The following SLC16A12 variants were observed in gnomAD, a reference collection of about 807,000 sequenced individuals.
SLC16A12 encodes monocarboxylate transporter 12.
SLC16A12 carries 17 observed loss-of-function variants against 42.4 expected under a neutral mutation model. The ratio of observed to expected loss-of-function variants is 0.40; its 90% CI spans 0.27 to 0.60. The LOEUF (loss-of-function observed/expected upper bound fraction) is 0.60. Among genes scored for constraint, SLC16A12 ranks in the 20% least tolerant of loss-of-function variants. The probability of loss-of-function intolerance (pLI) is 0.42; values close to 1 mark genes in which losing one functional copy is unlikely to be tolerated. For synonymous variants in SLC16A12, 224 were observed against 229.4 expected, an observed-to-expected ratio of 0.98 and a Z score of 0.21; for missense variants, 544 against 623.0, an observed-to-expected ratio of 0.87 and a Z score of 1.35.
At chr10:89,433,574 T>C (rs1009334854) in intron 7 of SLC16A12, among the ~76,000 whole-genome samples, 4 of 152,346 alleles carry the variant, frequency 2.6e-5, no homozygotes, top group Admixed American at 2.6e-4. Flanking sequence ...ATGTACTTAG[T>C]AGTCACAACG....
intron 5 of SLC16A12, among the ~76,000 whole-genome samples, chr10:89,440,486 G>A (rs940387744): frequency 1.3e-5 from 2 of 152,112 alleles, no homozygotes; most frequent in African/African-American, 2.4e-5. Flanking sequence ...AGGAGTTGGC[G>A]CTACTCTCCA....
At chr10:89,538,848 C>T (rs1270573476), upstream of SLC16A12, among the ~76,000 whole-genome samples, 1 of 152,122 alleles carries the variant, frequency 6.6e-6, no homozygotes, top group Admixed American at 6.6e-5. Flanking sequence ...TCTCCTAAGA[C>T]CATGTGTGTA....
intron 2 of SLC16A12, among the ~76,000 whole-genome samples, chr10:89,470,136 T>C (rs925008239): frequency 6.6e-6 from 1 of 152,154 alleles, no homozygotes; most frequent in Admixed American, 6.5e-5. Context: ...AGACATAAGC[T>C]CCATCCAGAA....
chr10:89,452,602 G>A (rs1842112147), intron 3 of SLC16A12, among the ~76,000 whole-genome samples: 1 of 152,092 alleles, frequency 6.6e-6, no homozygotes, highest in Admixed American at 6.6e-5. Context: ...TTTTCATTTT[G>A]CACTGGGCCC....
intron 1 of SLC16A12, among the ~76,000 whole-genome samples, chr10:89,535,238 C>G (rs1589734266): frequency 1.3e-5 from 2 of 152,120 alleles, no homozygotes; most frequent in African/African-American, 4.8e-5. Context: ...CAGCGCAGAC[C>G]CAACCCAGAC....
chr10:89,469,064 G>T (rs529472325), intron 2 of SLC16A12, among the ~76,000 whole-genome samples: 2 of 152,260 alleles, frequency 1.3e-5, no homozygotes, highest in South Asian at 4.1e-4. Flanking sequence ...AGAAGACAGA[G>T]GTTGCAGTGA....
intron 2 of SLC16A12, among the ~76,000 whole-genome samples, chr10:89,486,651 GA>G (rs1211755359): frequency 2.1e-5 from 1 of 47,916 alleles, no homozygotes; most frequent in Non-Finnish European, 4.2e-5. Context: ...AAGAAAGAAA[GA>G]AAGAAAGAAA....
intron 2 of SLC16A12, among the ~76,000 whole-genome samples, chr10:89,500,769 A>G (rs1483324126): frequency 6.6e-6 from 1 of 152,218 alleles, no homozygotes; most frequent in Non-Finnish European, 1.5e-5. Flanking sequence ...CCTCTTCAAC[A>G]TAGTACTGGA....
intron 2 of SLC16A12, among the ~76,000 whole-genome samples, chr10:89,498,276 G>A (rs964971061): frequency 2.0e-5 from 3 of 152,172 alleles, no homozygotes; most frequent in Non-Finnish European, 4.4e-5. Context: ...AGGCTGTGGT[G>A]AGCCCCGATC....
At chr10:89,444,273 A>G (rs974091978) in intron 3 of SLC16A12, among the ~76,000 whole-genome samples, 1 of 152,238 alleles carries the variant, frequency 6.6e-6, no homozygotes, top group African/African-American at 2.4e-5. Context: ...GGTGATATTG[A>G]TGATAGATAG....
intron 3 of SLC16A12, among the ~76,000 whole-genome samples, chr10:89,460,569 C>T (rs190038204): frequency 3.6e-4 from 55 of 151,776 alleles, no homozygotes; most frequent in African/African-American, 1.3e-3. Flanking sequence ...ACTAAAAATA[C>T]AAAAATTAGC....
intron 3 of SLC16A12, among the ~76,000 whole-genome samples, chr10:89,444,658 C>G (rs1027034913): frequency 6.6e-6 from 1 of 152,194 alleles, no homozygotes; most frequent in African/African-American, 2.4e-5. Flanking sequence ...CGAATAGGAA[C>G]AGCTCTGGTC....
At position 89,433,123 on chromosome 10, in the gene SLC16A12, A is replaced by G; in HGVS notation, c.1492T>C (p.Leu498=). 1 of 1,614,196 alleles carries G rather than the reference A, an allele frequency of 6.2e-7. No homozygotes were observed. Among genetic ancestry groups the G allele is most frequent in the Non-Finnish European group, 8.5e-7 (1 of 1,180,040 alleles). Residue 498 remains leucine (L), a synonymous_variant, in exon 8 of 8, where the codon TTA becomes CTA. Transcript: ENST00000371790. Reference sequence around the variant, plus strand: ...ACAGGCTCCCCATGTTTCTGATCTAATTCTCTTGCCACAGAATAAGCCACT... The same window carrying G: ...ACAGGCTCCCCATGTTTCTGATCTAGTTCTCTTGCCACAGAATAAGCCACT... ...GSVAYSVARE[L]DQKHGEPVAT...
chr10:89,542,354 G>A (rs1843720607), intron 2 of SLC16A12, among the ~76,000 whole-genome samples: 2 of 147,418 alleles, frequency 1.4e-5, no homozygotes, highest in African/African-American at 5.1e-5. Context: ...ACAGGCTGGA[G>A]TGCAGTGGTG....
At position 89,443,840 on chromosome 10, in the gene SLC16A12, CA is replaced by C. The variant is rs760181506; in HGVS notation, c.219del (p.Phe73LeufsTer22). ...TGAGTGAAGTATGTCTGGAACTCCACAAAAAAAATTGAGATACATCTGAAAA... is the reference window on the plus strand; with the variant it reads ...TGAGTGAAGTATGTCTGGAACTCCACAAAAAAATTGAGATACATCTGAAAA... ...RAVTRCISIF[F>X]VEFQTYFTQD... On this transcript the variant is annotated frameshift_variant, in exon 4 of 8. Coordinates refer to ENST00000371790, the MANE Select transcript of SLC16A12 (RefSeq NM_213606.4). LOFTEE classifies it high-confidence loss of function. The C allele has an allele frequency of 7.4e-6, 12 of 1,610,836 alleles. No homozygotes were observed. Among genetic ancestry groups the C allele is most frequent in the South Asian group, 1.1e-5 (1 of 91,012 alleles).
intron 2 of SLC16A12, among the ~76,000 whole-genome samples, chr10:89,515,159 T>C (rs1033402120): frequency 4.7e-4 from 72 of 151,734 alleles, no homozygotes; most frequent in African/African-American, 1.7e-3. Context: ...AGCGGCCTGT[T>C]AGGTACTGGG....
chr10:89,476,945 T>G (rs1210205325), intron 2 of SLC16A12, among the ~76,000 whole-genome samples: 2 of 152,238 alleles, frequency 1.3e-5, no homozygotes, highest in Non-Finnish European at 2.9e-5. Flanking sequence ...TTTATTTTTG[T>G]GTTCTGTAGA....
At chr10:89,507,238 T>A (rs1843078231) in intron 2 of SLC16A12, among the ~76,000 whole-genome samples, 2 of 151,960 alleles carry the variant, frequency 1.3e-5, no homozygotes, top group South Asian at 4.2e-4. Context: ...ACAGAGATAT[T>A]CCTCGAGAAG....
At chr10:89,548,461 C>G (rs1843753311) in intron 2 of SLC16A12, among the ~76,000 whole-genome samples, 1 of 152,076 alleles carries the variant, frequency 6.6e-6, no homozygotes, top group Non-Finnish European at 1.5e-5. Flanking sequence ...GAAGCCAGAG[C>G]AGCAGGCCGA....
Sources: allele counts gnomAD v4.1 joint callset (sites outside exome capture counted in the v4.1 genomes callset), GRCh38; gene constraint gnomAD v4.1.1; transcripts MANE v1.5; gene names NCBI Gene and HGNC (gene_info 2026-07-23, HGNC 2026-07-21).